ANKH: variants seen among roughly 807,000 people sequenced by gnomAD.
ANKH encodes mineralization regulator ANKH.
In ANKH, 15 loss-of-function variants were observed where a neutral mutation model predicts 49.0. That is an observed-to-expected ratio of 0.31 (90% confidence interval 0.20 to 0.47). The LOEUF is 0.47. Among genes scored for constraint, ANKH ranks in the 20% least tolerant of loss-of-function variants. The pLI is 1.00. For missense variants in ANKH, 429 were observed against 652.0 expected (o/e 0.66, Z 3.72); for synonymous variants, 273 against 260.0 (o/e 1.05, Z -0.48).
chr5:14,746,355 CAT>C lies in ANKH; in HGVS notation c.823-395_823-394del, dbSNP rs1270728213. ...AGGGAGACCAGAGTTTATTATTACT[CAT>C]ATCAGTCTCCCCGAGCATTGGGGTC... On this transcript the variant is annotated intron_variant, in intron 6 of 11. Coordinates refer to ENST00000284268, the MANE Select transcript of ANKH (RefSeq NM_054027.6). 6.0e-5 allele frequency among the ~76,000 whole-genome samples: 9 copies of C among 149,912 alleles called. No homozygotes were observed. In the East Asian group the frequency reaches 7.8e-4, roughly 13 times the overall value.
At chr5:14,805,459 G>A (rs1158201853) in intron 1 of ANKH, among the ~76,000 whole-genome samples, 116 of 66,248 alleles carry the variant, frequency 1.8e-3, no homozygotes, top group African/African-American at 7.0e-3. Context: ...ATATATATAT[G>A]TACACACACA....
chr5:14,788,147 C>T (rs935863430), intron 1 of ANKH: 5 of 152,196 alleles, frequency 3.3e-5, no homozygotes, highest in Non-Finnish European at 7.3e-5. Flanking sequence ...TGTTAGAACT[C>T]TAAGTTATCA....
chr5:14,793,061 AT>A (rs1740249467), intron 1 of ANKH, among the ~76,000 whole-genome samples: 1 of 50,890 alleles, frequency 2.0e-5, no homozygotes, highest in Admixed American at 2.6e-4. Context: ...TATATATAAA[AT>A]ATATATAAAT....
rs7728683 is a variant in ANKH at position 14,805,284 on chromosome 5, G to A, written c.97-36093C>T. ...TCCAAGTTCTTCAGTTTTGGGACTC[G>A]GACTGGCTCTCCTTGCTCCTCAGCT... On this transcript the variant is annotated intron_variant, in intron 1 of 11. Transcript: ENST00000284268. Among the ~76,000 whole-genome samples the A allele has an allele frequency of 3.3e-3, 503 of 151,658 alleles. 3 individuals are homozygous for A. The highest frequency in any genetic ancestry group is 0.011 in the African/African-American group (459 of 41,364).
At chr5:14,721,586 T>C (rs966774323) in intron 8 of ANKH, among the ~76,000 whole-genome samples, 1 of 152,234 alleles carries the variant, frequency 6.6e-6, no homozygotes, top group African/African-American at 2.4e-5. Context: ...ATTTCTTGCG[T>C]ATATAACTTA....
chr5:14,717,916 G>GGC (rs1481093849), intron 8 of ANKH, among the ~76,000 whole-genome samples: 58 of 152,216 alleles, frequency 3.8e-4, no homozygotes, highest in African/African-American at 1.4e-3. Flanking sequence ...TTGGATTTTC[G>GGC]ATTTTTGGAT....
In ANKH at chr5:14,713,530, C is replaced by T; in HGVS notation, c.1265+14G>A. ...GCAGAAGGACCCACAGCCCCAAACT[C>T]CCTGACAACATACCCCAGGTAGGGT... On this transcript the variant is annotated intron_variant, in intron 10 of 11. Transcript: ENST00000284268. This position sits in a 1 kb window ranked among gnomAD's most constrained non-coding sequence, Gnocchi z 4.4. The T allele has an allele frequency of 6.2e-7, 1 of 1,613,958 alleles. No homozygotes were observed.
At chr5:14,778,374 T>G (rs1327103822) in intron 1 of ANKH, among the ~76,000 whole-genome samples, 1 of 151,916 alleles carries the variant, frequency 6.6e-6, no homozygotes, top group Non-Finnish European at 1.5e-5. Context: ...TGGCTCAGAG[T>G]CTCCTCTGCA....
intron 8 of ANKH, among the ~76,000 whole-genome samples, chr5:14,729,368 A>G (rs1737922638): frequency 6.6e-6 from 1 of 150,622 alleles, no homozygotes; most frequent in Non-Finnish European, 1.5e-5. Flanking sequence ...TTTTTTATTT[A>G]GTAGAGACGG....
chr5:14,854,608 G>A (rs530558013), intron 1 of ANKH, among the ~76,000 whole-genome samples: 25 of 152,290 alleles, frequency 1.6e-4, no homozygotes, highest in African/African-American at 5.5e-4. Context: ...AGGCTGAGGT[G>A]GATCACTTGA....
At position 14,713,533 on chromosome 5, in the gene ANKH, T is replaced by C; in HGVS notation, c.1265+11A>G. ...GAAGGACCCACAGCCCCAAACTCCC[T>C]GACAACATACCCCAGGTAGGGTAGG... On this transcript the variant is annotated intron_variant, in intron 10 of 11. Coordinates refer to ENST00000284268, the MANE Select transcript of ANKH (RefSeq NM_054027.6). This position sits in a 1 kb window ranked among gnomAD's most constrained non-coding sequence, Gnocchi z 4.4. The C allele has an allele frequency of 6.2e-7, 1 of 1,613,982 alleles. No individual in the cohort carries two copies. Among genetic ancestry groups the C allele is most frequent in the Non-Finnish European group, 8.5e-7 (1 of 1,179,918 alleles).
At chr5:14,829,142 G>A (rs1422722322) in intron 1 of ANKH, among the ~76,000 whole-genome samples, 1 of 138,440 alleles carries the variant, frequency 7.2e-6, no homozygotes, top group African/African-American at 2.8e-5. Context: ...CCAAGACTGC[G>A]CCTTTGCACT....
At chr5:14,804,038 G>A (rs899936097) in intron 1 of ANKH, among the ~76,000 whole-genome samples, 1 of 152,144 alleles carries the variant, frequency 6.6e-6, no homozygotes, top group Non-Finnish European at 1.5e-5. Flanking sequence ...TGGGATTACA[G>A]GTGCGTGCCA....
At position 14,729,903 on chromosome 5, in the gene ANKH, G is replaced by A. The variant is rs1019401478; in HGVS notation, c.1011+11924C>T. ...GCTCTTTGTTTTCTTTCCCTCCTGA[G>A]TTGCTCTCTCTGCGGCCTGAAGTTC... On this transcript the variant is annotated intron_variant, in intron 8 of 11. Coordinates refer to ENST00000284268, the MANE Select transcript of ANKH (RefSeq NM_054027.6). Among the ~76,000 whole-genome samples, 6 of 152,300 alleles carry A rather than the reference G, an allele frequency of 3.9e-5. No individual in the cohort carries two copies. The South Asian group carries it at 1.0e-3, about 26-fold the overall frequency.
At chr5:14,789,795 C>T (rs1740103514) in intron 1 of ANKH, among the ~76,000 whole-genome samples, 1 of 152,128 alleles carries the variant, frequency 6.6e-6, no homozygotes, top group African/African-American at 2.4e-5. Context: ...ACTGCAACCT[C>T]CGATTCCCGG....
intron 1 of ANKH, among the ~76,000 whole-genome samples, chr5:14,836,927 A>G (rs1347781383): frequency 6.6e-6 from 1 of 152,236 alleles, no homozygotes; most frequent in African/African-American, 2.4e-5. Context: ...AGAGATATAG[A>G]CCAATGGAAC....
At position 14,709,821 on chromosome 5, in the gene ANKH, A is replaced by G. The variant is rs935701557; in HGVS notation, c.*1376T>C. ...AGCACACAAGCAATCACCGTATTGT[A>G]TTAGAGACATTTTATTGAAAATGCG... On this transcript the variant is annotated 3_prime_UTR_variant, in exon 12 of 12. Transcript: ENST00000284268. 1 of 152,664 alleles carries G rather than the reference A, an allele frequency of 6.6e-6. No individual in the cohort carries two copies. The highest frequency in any genetic ancestry group is 6.5e-5 in the Admixed American group (1 of 15,282). 9.5% of individuals were successfully genotyped at this position (152,664 alleles called of 1,614,324 possible).
chr5:14,807,113 CTT>C lies in ANKH; in HGVS notation c.97-37924_97-37923del, dbSNP rs35180875. 1.7e-3 allele frequency among the ~76,000 whole-genome samples: 215 copies of C among 127,654 alleles called. 1 individual carries two copies. The highest frequency in any genetic ancestry group is 3.8e-3 in the African/African-American group (130 of 34,358). The allele number at this position is 127,654 out of a possible 152,430, so 83.7% of individuals were successfully genotyped here. A position where few individuals can be genotyped will look rare whatever the true frequency, so the allele number is the denominator to read the frequency against. ...TCCTGTGTGGTCTGCCATGATATTT[CTT>C]TTTTTTTTTTTTTTTTTGAGGTAGG... On this transcript the variant is annotated intron_variant, in intron 1 of 11. Coordinates refer to ENST00000284268, the MANE Select transcript of ANKH (RefSeq NM_054027.6).
At chr5:14,847,704 AC>A (rs1215776045) in intron 1 of ANKH, among the ~76,000 whole-genome samples, 4 of 152,202 alleles carry the variant, frequency 2.6e-5, no homozygotes, top group Non-Finnish European at 5.9e-5. Context: ...ATAGATATGG[AC>A]CCAGTCTCTC....
Sources: gnomAD v4.1 joint callset for allele counts (sites outside exome capture counted in the v4.1 genomes callset) on GRCh38, gnomAD v4.1.1 for gene constraint, Gnocchi (gnomAD v3.1) non-coding constraint, MANE v1.5 for transcripts, NCBI Gene and HGNC (gene_info 2026-07-23, HGNC 2026-07-21) for gene names.